CAMK4: variants seen among roughly 807,000 people sequenced by gnomAD.
CAMK4 encodes the protein calcium/calmodulin dependent protein kinase IV, also known as calcium/calmodulin-dependent protein kinase type IV.
CAMK4 carries 22 observed loss-of-function variants against 44.9 expected under a neutral mutation model. That is an observed-to-expected ratio of 0.49 (90% confidence interval 0.35 to 0.70). CAMK4 has a LOEUF of 0.70. Ranked by LOEUF, CAMK4 falls within the 30% of genes least tolerant of loss-of-function variation. CAMK4 has a pLI of 0.01. For synonymous variants in CAMK4, 218 were observed against 215.4 expected (o/e 1.01, Z -0.11); for missense variants, 498 against 586.8 (o/e 0.85, Z 1.56).
chr5:111,434,308 A>AT (rs1753570251), intron 5 of CAMK4, among the ~76,000 whole-genome samples: 4 of 148,586 alleles, frequency 2.7e-5, no homozygotes, highest in Admixed American at 2.7e-4. Flanking sequence ...AAAAAAAAAA[A>AT]TAGAGCCACT....
At chr5:111,338,221 T>C (rs1011094270) in intron 1 of CAMK4, among the ~76,000 whole-genome samples, 57 of 151,376 alleles carry the variant, frequency 3.8e-4, no homozygotes, top group African/African-American at 1.4e-3. Context: ...TCATTTTTAA[T>C]GGTGTAAATT....
At chr5:111,298,701 C>G (rs1747593003) in intron 1 of CAMK4, among the ~76,000 whole-genome samples, 1 of 152,234 alleles carries the variant, frequency 6.6e-6, no homozygotes, top group Admixed American at 6.5e-5. Context: ...TTGCAGAGCA[C>G]ACCGCTCGGG....
At chr5:111,395,579 T>G (rs544219038) in intron 5 of CAMK4, among the ~76,000 whole-genome samples, 2 of 152,252 alleles carry the variant, frequency 1.3e-5, no homozygotes, top group South Asian at 4.1e-4. Flanking sequence ...AATGTATCAG[T>G]TTTTTTAAGG....
intron 5 of CAMK4, among the ~76,000 whole-genome samples, chr5:111,406,373 G>A (rs180708614): frequency 1.1e-3 from 163 of 151,834 alleles, no homozygotes; most frequent in Non-Finnish European, 4.0e-4. Flanking sequence ...ACAGGTGCCC[G>A]CCACCATGCC....
At position 111,382,198 on chromosome 5, in the gene CAMK4, C is replaced by T. The variant is rs61591109; in HGVS notation, c.386+5256C>T. Among the ~76,000 whole-genome samples the T allele has an allele frequency of 7.0e-3, 1,059 of 152,212 alleles. 11 individuals are homozygous for T. The highest frequency in any genetic ancestry group is 0.025 in the African/African-American group (1,027 of 41,566). On this transcript the variant is annotated intron_variant, in intron 4 of 10. Transcript: ENST00000282356. ...TATCCATATCTTTCCATAGCATACA[C>T]TTAAAAAGTTATTAATAGGTCATAA...
intron 5 of CAMK4, among the ~76,000 whole-genome samples, chr5:111,431,743 A>G (rs1393576768): frequency 6.6e-6 from 1 of 152,214 alleles, no homozygotes; most frequent in Non-Finnish European, 1.5e-5. Context: ...ACAAATGGCA[A>G]ACAGGCATAT....
At chr5:111,309,326 G>A (rs1350283314) in intron 1 of CAMK4, among the ~76,000 whole-genome samples, 1 of 152,182 alleles carries the variant, frequency 6.6e-6, no homozygotes, top group Non-Finnish European at 1.5e-5. Context: ...GGGCAGGACA[G>A]GGTGAATGGC....
At chr5:111,401,621 TCA>T (rs1409107544) in intron 5 of CAMK4, among the ~76,000 whole-genome samples, 1 of 152,030 alleles carries the variant, frequency 6.6e-6, no homozygotes, top group Non-Finnish European at 1.5e-5. Flanking sequence ...AACCTGTAAC[TCA>T]CTCTCTAAAA....
chr5:111,373,011 T>C (rs1751070577), intron 2 of CAMK4, among the ~76,000 whole-genome samples: 1 of 152,190 alleles, frequency 6.6e-6, no homozygotes, highest in African/African-American at 2.4e-5. Context: ...ATTGCATTTT[T>C]ATGTGGGATG....
intron 1 of CAMK4, among the ~76,000 whole-genome samples, chr5:111,331,685 C>A (rs990507179): frequency 2.0e-5 from 3 of 151,540 alleles, no homozygotes; most frequent in Non-Finnish European, 3.0e-5. Context: ...TTTTTAGTCA[C>A]CAGTAGTAAG....
intron 1 of CAMK4, among the ~76,000 whole-genome samples, chr5:111,292,179 A>G (rs1357484164): frequency 3.3e-5 from 5 of 152,224 alleles, no homozygotes; most frequent in Non-Finnish European, 7.3e-5. Context: ...CACCAGGACA[A>G]CGTGTCCTCA....
At position 111,433,388 on chromosome 5, in the gene CAMK4, A is replaced by G. The variant is rs1044547434; in HGVS notation, c.460-13298A>G. ...TACACTTGATGAAACTATGTTGCCC[A>G]GTTTTCTTGCAGCATGATAGTCTTA... On this transcript the variant is annotated intron_variant, in intron 5 of 10. Coordinates refer to ENST00000282356, the MANE Select transcript of CAMK4 (RefSeq NM_001744.6). Among the ~76,000 whole-genome samples the G allele has an allele frequency of 2.0e-5, 3 of 152,206 alleles. No individual in the cohort carries two copies. In the East Asian group the frequency reaches 5.8e-4, roughly 29 times the overall value.
At chr5:111,317,848 C>T (rs962181262) in intron 1 of CAMK4, among the ~76,000 whole-genome samples, 11 of 116,016 alleles carry the variant, frequency 9.5e-5, no homozygotes, top group African/African-American at 3.6e-4. Context: ...GCAAATATTA[C>T]ATTTTGTTTT....
chr5:111,489,137 A>G lies in CAMK4; in HGVS notation c.*4671A>G, dbSNP rs1189409137. The G allele has an allele frequency of 6.6e-6, 1 of 152,196 alleles. No individual in the cohort carries two copies. The highest frequency in any genetic ancestry group is 6.5e-5 in the Admixed American group (1 of 15,276). 9.4% of individuals were successfully genotyped at this position (152,196 alleles called of 1,614,324 possible). Reference sequence around the variant, plus strand: ...GTTATTTCACTATTGGTATTACAATATTCATAACCACATGATAAACAGAAA... The same window carrying G: ...GTTATTTCACTATTGGTATTACAATGTTCATAACCACATGATAAACAGAAA... On this transcript the variant is annotated 3_prime_UTR_variant, in exon 11 of 11. Transcript: ENST00000282356.
At chr5:111,331,958 A>G (rs1749184223) in intron 1 of CAMK4, among the ~76,000 whole-genome samples, 1 of 151,836 alleles carries the variant, frequency 6.6e-6, no homozygotes, top group Admixed American at 6.6e-5. Context: ...TGCCTAGCAC[A>G]GTGCCTAATA....
chr5:111,246,925 G>GTTAAT (rs1749267139), intron 1 of CAMK4, among the ~76,000 whole-genome samples: 7 of 152,150 alleles, frequency 4.6e-5, no homozygotes, highest in Admixed American at 4.6e-4. Context: ...ATTAAGTGGG[G>GTTAAT]TTCCAGCATA....
chr5:111,303,097 A>T (rs1747805274), intron 1 of CAMK4, among the ~76,000 whole-genome samples: 1 of 4,518 alleles, frequency 2.2e-4, no homozygotes, highest in Non-Finnish European at 3.6e-4. Context: ...CCATCTGTAC[A>T]TCACCATCAT....
chr5:111,317,729 C>T lies in CAMK4; in HGVS notation c.162-26295C>T, dbSNP rs118029914. On this transcript the variant is annotated intron_variant, in intron 1 of 10. Coordinates refer to ENST00000282356, the MANE Select transcript of CAMK4 (RefSeq NM_001744.6). ...CTTCATGGGCATGTGTCCTGTACAG[C>T]CCCACAGATTCCTCTGCTCAAAAGG... Among the ~76,000 whole-genome samples, 1,012 of 151,946 alleles carry T rather than the reference C, an allele frequency of 6.7e-3. 45 individuals are homozygous for T. The highest frequency in any genetic ancestry group is 0.054 in the Admixed American group (824 of 15,244).
chr5:111,242,599 C>T (rs1160525939), intron 1 of CAMK4, among the ~76,000 whole-genome samples: 2 of 152,092 alleles, frequency 1.3e-5, no homozygotes, highest in Non-Finnish European at 2.9e-5. Context: ...ATGTCACTCC[C>T]CTGCCTAAAA....
Sources: gnomAD v4.1 joint callset for allele counts (sites outside exome capture counted in the v4.1 genomes callset) on GRCh38, gnomAD v4.1.1 for gene constraint, MANE v1.5 for transcripts, NCBI Gene and HGNC (gene_info 2026-07-23, HGNC 2026-07-21) for gene names.